Variants in NEK7 observed in about 807,000 individuals in gnomAD.
The protein encoded by NEK7 is serine/threonine-protein kinase Nek7.
In NEK7, 18 loss-of-function variants were observed where a neutral mutation model predicts 44.6. That is an observed-to-expected ratio of 0.40 (90% CI 0.28 to 0.60). The LOEUF (loss-of-function observed/expected upper bound fraction) is 0.60. Among genes scored for constraint, NEK7 ranks in the 20% least tolerant of loss-of-function variants. NEK7 has a pLI of 0.38. For synonymous variants in NEK7, 130 were observed against 121.1 expected (o/e 1.07, Z -0.48); for missense variants, 256 against 366.5 (o/e 0.70, Z 2.46).
chr1:198,282,417 C>T (rs541037709), intron 7 of NEK7, among the ~76,000 whole-genome samples: 1 of 152,168 alleles, frequency 6.6e-6, no homozygotes, highest in African/African-American at 2.4e-5. Flanking sequence ...TCATGATGTG[C>T]CAGCCATGTT....
chr1:198,319,630 G>C lies in NEK7; in HGVS notation c.*108G>C. 1 of 1,304,008 alleles carries C rather than the reference G, an allele frequency of 7.7e-7. No homozygotes were observed. Among genetic ancestry groups the C allele is most frequent in the South Asian group, 2.1e-5 (1 of 47,732 alleles). 80.8% of individuals were successfully genotyped at this position (1,304,008 alleles called of 1,614,324 possible). ...AAGATTAATATTTCAGAGCTAGTGT[G>C]CTTTGAATCCTTAACCAGTTTTCAT... On this transcript the variant is annotated 3_prime_UTR_variant, in exon 10 of 10. Transcript: ENST00000367385.
chr1:198,234,318 T>C (rs1442801316), intron 2 of NEK7, among the ~76,000 whole-genome samples: 1 of 150,462 alleles, frequency 6.6e-6, no homozygotes, highest in Non-Finnish European at 1.5e-5. Flanking sequence ...TTTTTTTTTT[T>C]AAGTCCCCAT....
chr1:198,253,394 A>T (rs1186934637), intron 3 of NEK7, among the ~76,000 whole-genome samples: 4 of 152,136 alleles, frequency 2.6e-5, no homozygotes, highest in Non-Finnish European at 4.4e-5. Context: ...TTTAGCTCGT[A>T]TTGAACCTCA....
At chr1:198,311,848 T>C (rs2103036668) in intron 9 of NEK7, among the ~76,000 whole-genome samples, 1 of 152,340 alleles carries the variant, frequency 6.6e-6, no homozygotes, top group Non-Finnish European at 1.5e-5. Context: ...GCCAGTATTT[T>C]ATTGAGGATT....
rs1162942819 is a variant in NEK7 at position 198,175,546 on chromosome 1, TC to T, written c.-29+18271del. Among the ~76,000 whole-genome samples, 4 of 152,258 alleles carry T rather than the reference TC, an allele frequency of 2.6e-5. No homozygotes were observed. In the East Asian group the frequency reaches 5.8e-4, roughly 22 times the overall value. On this transcript the variant is annotated intron_variant, in intron 1 of 9. Coordinates refer to ENST00000367385, the MANE Select transcript of NEK7 (RefSeq NM_133494.3). ...TTTGAAGATGGGGCCAAGCTATTTA[TC>T]TTAGCTCTTTAAATCAGTTTGGTTG...
chr1:198,165,875 C>T (rs940299874), intron 1 of NEK7, among the ~76,000 whole-genome samples: 3 of 152,236 alleles, frequency 2.0e-5, no homozygotes, highest in Admixed American at 1.3e-4. Flanking sequence ...AGTGTAGCCA[C>T]CTTTATCAAT....
At chr1:198,267,103 C>T (rs1571589175) in intron 5 of NEK7, among the ~76,000 whole-genome samples, 1 of 152,102 alleles carries the variant, frequency 6.6e-6, no homozygotes, top group East Asian at 1.9e-4. Context: ...GGTTCTCTAT[C>T]CTTTCTCTGC....
intron 1 of NEK7, among the ~76,000 whole-genome samples, chr1:198,217,625 T>G (rs953334579): frequency 2.0e-5 from 3 of 151,878 alleles, no homozygotes; most frequent in African/African-American, 7.2e-5. Context: ...GACATCCAAA[T>G]TGGAAAAGAG....
chr1:198,226,464 G>A (rs541450047), intron 1 of NEK7, among the ~76,000 whole-genome samples: 1 of 151,338 alleles, frequency 6.6e-6, no homozygotes, highest in East Asian at 1.9e-4. Flanking sequence ...AGAATGACTT[G>A]AACCCAGGAG....
At position 198,267,507 on chromosome 1, in the gene NEK7, G is replaced by C. The variant is rs546735489; in HGVS notation, c.372+3272G>C. Among the ~76,000 whole-genome samples, 16 of 152,020 alleles carry C rather than the reference G, an allele frequency of 1.1e-4. No individual in the cohort carries two copies. The South Asian group carries it at 2.9e-3, about 28-fold the overall frequency. On this transcript the variant is annotated intron_variant, in intron 5 of 9. Coordinates refer to ENST00000367385, the MANE Select transcript of NEK7 (RefSeq NM_133494.3). Reference sequence around the variant, plus strand: ...CGCCCAGGGTGGAATGTAGTGGTGCGATCTCAGCTCACTGCAACCTCTGCC... The same window carrying C: ...CGCCCAGGGTGGAATGTAGTGGTGCCATCTCAGCTCACTGCAACCTCTGCC...
intron 1 of NEK7, among the ~76,000 whole-genome samples, chr1:198,210,524 T>A (rs886366104): frequency 8.5e-5 from 13 of 152,092 alleles, no homozygotes; most frequent in African/African-American, 2.9e-4. Context: ...ATATGTACCT[T>A]CTTATATGTA....
At chr1:198,315,756 T>C (rs919007109) in intron 9 of NEK7, among the ~76,000 whole-genome samples, 1 of 152,152 alleles carries the variant, frequency 6.6e-6, no homozygotes, top group Admixed American at 6.5e-5. Flanking sequence ...CTTAAGAAGT[T>C]GGAGGTGCTG....
At chr1:198,193,620 T>C (rs900868392) in intron 1 of NEK7, among the ~76,000 whole-genome samples, 6 of 152,174 alleles carry the variant, frequency 3.9e-5, no homozygotes, top group African/African-American at 1.4e-4. Flanking sequence ...CATGATCAAG[T>C]TGGCTTCATC....
At chr1:198,221,144 C>T (rs1220939261) in intron 1 of NEK7, 13 of 151,958 alleles carry the variant, frequency 8.6e-5, no homozygotes, top group South Asian at 2.1e-4. Context: ...AGATTTCATA[C>T]TGTGTCAATA....
intron 9 of NEK7, among the ~76,000 whole-genome samples, chr1:198,319,087 T>A (rs561492567): frequency 6.6e-6 from 1 of 151,038 alleles, no homozygotes; most frequent in East Asian, 1.9e-4. Context: ...ACTTGGAGAC[T>A]TATAGTTATA....
At chr1:198,250,438 G>T (rs183369872) in intron 2 of NEK7, among the ~76,000 whole-genome samples, 1 of 152,018 alleles carries the variant, frequency 6.6e-6, no homozygotes, top group East Asian at 1.9e-4. Flanking sequence ...TAGCTTGATG[G>T]GAACGGCATT....
chr1:198,271,426 T>A (rs767008750), intron 5 of NEK7, among the ~76,000 whole-genome samples: 1 of 152,070 alleles, frequency 6.6e-6, no homozygotes, highest in Non-Finnish European at 1.5e-5. Flanking sequence ...AACCATGTTT[T>A]GGAGATAACT....
chr1:198,225,856 C>T (rs1001875263), intron 1 of NEK7, among the ~76,000 whole-genome samples: 1 of 151,820 alleles, frequency 6.6e-6, no homozygotes, highest in Non-Finnish European at 1.5e-5. Context: ...TTGTTTTGCT[C>T]GAAGATTGGT....
rs145059392 is a variant in NEK7, at chr1:198,264,992, A to G, written c.372+757A>G. The stretch of plus-strand genomic sequence containing the variant: ...CTATGTAAATGTATCTGCTGCTGCT[A>G]TTATTATTGTTATTGTTATTATTTC... On this transcript the variant is annotated intron_variant, in intron 5 of 9. Transcript: ENST00000367385. Among the ~76,000 whole-genome samples the G allele has an allele frequency of 3.5e-4, 53 of 152,100 alleles. 1 individual carries two copies. In the East Asian group the frequency reaches 9.7e-3, roughly 28 times the overall value.
Sources: allele counts gnomAD v4.1 joint callset (sites outside exome capture counted in the v4.1 genomes callset), GRCh38; gene constraint gnomAD v4.1.1; transcripts MANE v1.5; gene names NCBI Gene and HGNC (gene_info 2026-07-23, HGNC 2026-07-21).